The following PPM1E variants were observed in gnomAD, a reference collection of about 807,000 sequenced individuals.
The protein encoded by PPM1E is protein phosphatase, Mg2+/Mn2+ dependent 1E, also known as protein phosphatase 1E.
In PPM1E, 20 loss-of-function variants were observed where a neutral mutation model predicts 65.9. The observed-to-expected ratio is 0.30, with a 90% confidence interval of 0.21 to 0.44. PPM1E has a LOEUF of 0.44. Among genes scored for constraint, PPM1E ranks in the 20% least tolerant of loss-of-function variants. PPM1E has a pLI of 1.00. For synonymous variants in PPM1E, 352 were observed against 374.9 expected (o/e 0.94, Z 0.70); for missense variants, 713 against 953.1 (o/e 0.75, Z 3.32).
chr17:58,875,785 C>T (rs1336263705), intron 1 of PPM1E, among the ~76,000 whole-genome samples: 3 of 152,006 alleles, frequency 2.0e-5, no homozygotes, highest in African/African-American at 7.2e-5. Flanking sequence ...ATTACTAACA[C>T]CGTGGATAAT....
intron 1 of PPM1E, among the ~76,000 whole-genome samples, chr17:58,833,496 T>TG (rs1333453984): frequency 2.0e-5 from 3 of 151,868 alleles, no homozygotes; most frequent in Non-Finnish European, 4.4e-5. Flanking sequence ...TTTCTGTTCT[T>TG]GCATTAATTC....
chr17:58,948,349 C>T (rs1350772371), intron 1 of PPM1E, among the ~76,000 whole-genome samples: 1 of 152,070 alleles, frequency 6.6e-6, no homozygotes, highest in African/African-American at 2.4e-5. Flanking sequence ...CCAACATCCC[C>T]TAAGATTTCC....
intron 1 of PPM1E, among the ~76,000 whole-genome samples, chr17:58,820,966 C>T (rs1239108584): frequency 1.3e-5 from 2 of 151,944 alleles, no homozygotes; most frequent in Non-Finnish European, 2.9e-5. Context: ...TGATCTGAAA[C>T]ATTTAATCAT....
At chr17:58,799,937 G>T (rs973229019) in intron 1 of PPM1E, among the ~76,000 whole-genome samples, 1 of 152,150 alleles carries the variant, frequency 6.6e-6, no homozygotes, top group African/African-American at 2.4e-5. Context: ...TCTCCAAATT[G>T]CTTGGATTTT....
intron 1 of PPM1E, among the ~76,000 whole-genome samples, chr17:58,934,791 G>A (rs1037129536): frequency 5.9e-5 from 9 of 151,902 alleles, no homozygotes; most frequent in Non-Finnish European, 8.8e-5. Flanking sequence ...GCTGGGCATG[G>A]TGGTGGGCAC....
At chr17:58,932,100 A>G (rs1465767362) in intron 1 of PPM1E, among the ~76,000 whole-genome samples, 1 of 152,084 alleles carries the variant, frequency 6.6e-6, no homozygotes, top group Non-Finnish European at 1.5e-5. Context: ...ACAAAGCAAG[A>G]CCCTGTCTTT....
rs572503542 is a variant in PPM1E at position 58,767,378 on chromosome 17, G to A, written c.464+10917G>A. On this transcript the variant is annotated intron_variant, in intron 1 of 6. Transcript: ENST00000308249. ...GACATTAACCTAGGCAGTCAGACTT[G>A]GGAGATTATAATTATGATGTTCATT... is the stretch of plus-strand genomic sequence containing the variant. Among the ~76,000 whole-genome samples the A allele has an allele frequency of 2.7e-4, 41 of 152,276 alleles. No homozygotes were observed. In the South Asian group the frequency reaches 8.3e-3, roughly 31 times the overall value.
At chr17:58,838,659 G>A (rs897517903) in intron 1 of PPM1E, among the ~76,000 whole-genome samples, 4 of 152,108 alleles carry the variant, frequency 2.6e-5, no homozygotes, top group East Asian at 1.9e-4. Flanking sequence ...GCAATTAATC[G>A]CATTTCTAGG....
At chr17:58,895,191 T>C (rs1027010509) in intron 1 of PPM1E, among the ~76,000 whole-genome samples, 3 of 152,144 alleles carry the variant, frequency 2.0e-5, no homozygotes, top group African/African-American at 7.2e-5. Context: ...TTAATAAATA[T>C]TGTGTGTTCT....
intron 1 of PPM1E, among the ~76,000 whole-genome samples, chr17:58,940,663 C>T (rs1258306869): frequency 6.6e-6 from 1 of 152,070 alleles, no homozygotes; most frequent in Non-Finnish European, 1.5e-5. Context: ...TCTTTTGGAA[C>T]TCTAATGGAA....
chr17:58,944,227 GTTTT>G (rs1376518314), intron 1 of PPM1E, among the ~76,000 whole-genome samples: 7 of 151,958 alleles, frequency 4.6e-5, no homozygotes, highest in South Asian at 4.1e-4. Context: ...AAAGTCAGTA[GTTTT>G]TTTATTATCT....
intron 1 of PPM1E, among the ~76,000 whole-genome samples, chr17:58,784,991 T>A (rs1348059999): frequency 1.3e-5 from 2 of 152,344 alleles, no homozygotes; most frequent in East Asian, 3.9e-4. Context: ...AGATTTTCAA[T>A]TTTGATATAG....
At chr17:58,817,309 G>A (rs188780736) in intron 1 of PPM1E, among the ~76,000 whole-genome samples, 1 of 152,166 alleles carries the variant, frequency 6.6e-6, no homozygotes, top group Non-Finnish European at 1.5e-5. Context: ...CGGATCATAT[G>A]GTAATTCTAT....
At chr17:58,759,192 A>G (rs562358151) in intron 1 of PPM1E, among the ~76,000 whole-genome samples, 4 of 152,236 alleles carry the variant, frequency 2.6e-5, no homozygotes, top group Admixed American at 1.3e-4. Context: ...TTTCCTGAGC[A>G]CAGGAGGCCG....
chr17:58,848,611 C>T (rs1433248500), intron 1 of PPM1E, among the ~76,000 whole-genome samples: 1 of 152,190 alleles, frequency 6.6e-6, no homozygotes, highest in Non-Finnish European at 1.5e-5. Context: ...CCTTGCATCC[C>T]ATGGACAAAG....
At chr17:58,875,662 A>G (rs1419485154) in intron 1 of PPM1E, among the ~76,000 whole-genome samples, 1 of 152,186 alleles carries the variant, frequency 6.6e-6, no homozygotes, top group Non-Finnish European at 1.5e-5. Flanking sequence ...AATCCTATGC[A>G]TCTTGTTTTA....
At chr17:58,790,131 T>C (rs1329858455) in intron 1 of PPM1E, among the ~76,000 whole-genome samples, 1 of 152,182 alleles carries the variant, frequency 6.6e-6, no homozygotes, top group Non-Finnish European at 1.5e-5. Flanking sequence ...TGATCATAGT[T>C]CATTACAGCT....
At position 58,775,891 on chromosome 17, in the gene PPM1E, G is replaced by A. The variant is rs564824276; in HGVS notation, c.464+19430G>A. Among the ~76,000 whole-genome samples the A allele has an allele frequency of 3.1e-3, 384 of 123,244 alleles. 2 individuals carry two copies. The highest frequency in any genetic ancestry group is 4.8e-3 in the Non-Finnish European group (301 of 62,328). The allele number at this position is 123,244 out of a possible 152,430, so 80.9% of individuals were successfully genotyped here. A position where few individuals can be genotyped will look rare whatever the true frequency, so the allele number is the denominator to read the frequency against. On this transcript the variant is annotated intron_variant, in intron 1 of 6. Transcript: ENST00000308249. ...ATTGCGCCACTGCAGTCCGCAGTCC[G>A]GCCTGGGCGACAGAGCGAGACTCCG...
rs141714039 is a variant in PPM1E at position 58,926,115 on chromosome 17, C to T, written c.465-29534C>T. Among the ~76,000 whole-genome samples, 143 of 152,004 alleles carry T rather than the reference C, an allele frequency of 9.4e-4. 1 individual carries two copies. The highest frequency in any genetic ancestry group is 3.4e-3 in the African/African-American group (140 of 41,482). ...CAGCACTTTGGGAGGCTGAGATGGGCGGATCACTTGAGGTCAAGTGTTTGA... is the reference window on the plus strand; with the variant it reads ...CAGCACTTTGGGAGGCTGAGATGGGTGGATCACTTGAGGTCAAGTGTTTGA... On this transcript the variant is annotated intron_variant, in intron 1 of 6. Coordinates refer to ENST00000308249, the MANE Select transcript of PPM1E (RefSeq NM_014906.5).
Sources: gnomAD v4.1 joint callset for allele counts (sites outside exome capture counted in the v4.1 genomes callset) on GRCh38, gnomAD v4.1.1 for gene constraint, MANE v1.5 for transcripts, NCBI Gene and HGNC (gene_info 2026-07-23, HGNC 2026-07-21) for gene names.